The following TP53I11 variants were observed in gnomAD, a reference collection of about 807,000 sequenced individuals.
TP53I11 encodes tumor protein p53 inducible protein 11, also known as tumor protein p53-inducible protein 11.
TP53I11 carries 9 observed loss-of-function variants against 23.3 expected under a neutral mutation model. The observed-to-expected ratio is 0.39, with a 90% CI of 0.23 to 0.67. The LOEUF is 0.67. Ranked by LOEUF, TP53I11 falls within the 30% of genes least tolerant of loss-of-function variation. The probability of loss-of-function intolerance (pLI) is 0.48; values close to 1 mark genes in which losing one functional copy is unlikely to be tolerated. For synonymous variants in TP53I11, 100 were observed against 106.1 expected, an observed-to-expected ratio of 0.94 and a Z score of 0.35; for missense variants, 170 against 255.2, an observed-to-expected ratio of 0.67 and a Z score of 2.27.
chr11:44,943,693 C>T (rs1862119739), intron 1 of TP53I11, among the ~76,000 whole-genome samples: 1 of 152,236 alleles, frequency 6.6e-6, no homozygotes, highest in African/African-American at 2.4e-5. Context: ...CTCCTCTGGA[C>T]TCTCACGGGT....
intron 1 of TP53I11, among the ~76,000 whole-genome samples, chr11:44,942,468 AC>A (rs144744571): frequency 0.092 from 13,926 of 150,568 alleles, 704 homozygotes; most frequent in Middle Eastern, 0.13. Context: ...ACACATACAC[AC>A]ACAGAGCATT....
chr11:44,941,389 G>C (rs12790832), intron 1 of TP53I11, among the ~76,000 whole-genome samples: 22 of 152,152 alleles, frequency 1.4e-4, no homozygotes, highest in Non-Finnish European at 2.6e-4. Context: ...CAGTGCTTTA[G>C]AAAGAGCCAG....
At position 44,937,530 on chromosome 11, in the gene TP53I11, C is replaced by T. The variant is rs200068947; in HGVS notation, c.188+25G>A. The T allele has an allele frequency of 1.6e-4, 263 of 1,613,044 alleles. 1 individual carries two copies. The African/African-American group carries it at 2.2e-3, about 14-fold the overall frequency. ...CCCACCGCCGCAGGCCTTCCCCTCC[C>T]CCAAAAAGTCAGGTAAATGCTCACC... On this transcript the variant is annotated intron_variant, in intron 3 of 6. Transcript: ENST00000525680.
intron 1 of TP53I11, among the ~76,000 whole-genome samples, chr11:44,945,249 C>A (rs974009406): frequency 2.0e-5 from 3 of 152,212 alleles, no homozygotes; most frequent in African/African-American, 7.2e-5. Context: ...CCACCTACCC[C>A]GGGGCTGGGA....
chr11:44,934,746 GC>G lies in TP53I11; in HGVS notation c.*137del. 5 of 1,232,772 alleles carry G rather than the reference GC, an allele frequency of 4.1e-6. No individual in the cohort carries two copies. The highest frequency in any genetic ancestry group is 1.5e-5 in the South Asian group (1 of 66,952). The allele number at this position is 1,232,772 out of a possible 1,614,324, so 76.4% of individuals were successfully genotyped here. ...ACGGGGTGCCCAGGAGGAAAGGAAG[GC>G]CCCCCACCCCCTGCCTCCCTGGGGC... On this transcript the variant is annotated 3_prime_UTR_variant, in exon 7 of 7. Coordinates refer to ENST00000525680, the MANE Select transcript of TP53I11 (RefSeq NM_006034.5).
At chr11:44,935,266 C>A (rs564983990) in intron 6 of TP53I11, among the ~76,000 whole-genome samples, 25 of 152,024 alleles carry the variant, frequency 1.6e-4, no homozygotes, top group Admixed American at 1.5e-3. Context: ...TGTTATTACA[C>A]ACGTGCTGGG....
chr11:44,936,061 C>T lies in TP53I11; in HGVS notation c.335-399G>A, dbSNP rs1322917898. The T allele has an allele frequency of 3.1e-5, 9 of 294,002 alleles. No homozygotes were observed. Among genetic ancestry groups the T allele is most frequent in the Non-Finnish European group, 4.4e-5 (8 of 180,156 alleles). The allele number at this position is 294,002 out of a possible 1,614,324, so 18.2% of individuals were successfully genotyped here. On this transcript the variant is annotated intron_variant, in intron 5 of 6. Coordinates refer to ENST00000525680, the MANE Select transcript of TP53I11 (RefSeq NM_006034.5). This position sits in a 1 kb window ranked among gnomAD's most constrained non-coding sequence, Gnocchi z 4.4. ...GGTCCTATGATTGGGTTTTCTTTTA[C>T]ACGGACTCCCAGACAGAAAACCTGA...
rs544563868 is a variant in TP53I11, at chr11:44,937,319, G to A, written c.222C>T (p.Ser74=). The A allele has an allele frequency of 8.9e-5, 133 of 1,502,628 alleles. 1 individual carries two copies. In the South Asian group the frequency reaches 9.7e-4, roughly 11 times the overall value. 93.1% of individuals were successfully genotyped at this position (1,502,628 alleles called of 1,614,324 possible). Residue 74 remains serine, a synonymous_variant, in exon 4 of 7, where the codon TCC becomes TCT. Coordinates refer to ENST00000525680, the MANE Select transcript of TP53I11 (RefSeq NM_006034.5). ...GGGGGCTCACCATGATGGCAATGCC[G>A]GAGAAGAGCACAGCAGAGACGAACT... is the stretch of plus-strand genomic sequence containing the variant. ...VWQFVSAVLF[S]GIAIMALAFP... is the part of the protein sequence containing the mutation.
In TP53I11 at chr11:44,936,570, C is replaced by T; in HGVS notation, c.334+233G>A. 7.6e-7 allele frequency: 1 copy of T among 1,307,928 alleles called. No homozygotes were observed. Among genetic ancestry groups the T allele is most frequent in the Non-Finnish European group, 9.7e-7 (1 of 1,028,944 alleles). 81.0% of individuals were successfully genotyped at this position (1,307,928 alleles called of 1,614,324 possible). ...GGCAGTGCACACACTTATGAGCGCT[C>T]CTTGCAGATGGTGGCGACTGCAAGC... On this transcript the variant is annotated intron_variant, in intron 5 of 6. Coordinates refer to ENST00000525680, the MANE Select transcript of TP53I11 (RefSeq NM_006034.5). This position sits in a 1 kb window ranked among gnomAD's most constrained non-coding sequence, Gnocchi z 4.4.
intron 1 of TP53I11, chr11:44,947,380 G>A: frequency 3.2e-6 from 1 of 313,360 alleles, no homozygotes; most frequent in Admixed American, 4.0e-5. Flanking sequence ...GAATGCAGCA[G>A]GCACCTCCCT....
rs1014038095 is a variant in TP53I11, at chr11:44,936,168, C to A, written c.335-506G>T. 2.0e-6 allele frequency: 2 copies of A among 987,062 alleles called. No individual in the cohort carries two copies. Among genetic ancestry groups the A allele is most frequent in the African/African-American group, 3.5e-5 (2 of 57,612 alleles). The allele number at this position is 987,062 out of a possible 1,614,324, so 61.1% of individuals were successfully genotyped here. ...TTTTAGCAGAAGACCACTGACTTGG[C>A]CTCTAGCAGGCCCCGCCCACCCAGT... is the stretch of plus-strand genomic sequence containing the variant. On this transcript the variant is annotated intron_variant, in intron 5 of 6. Transcript: ENST00000525680. The surrounding 1 kb of genome is among the most constrained non-coding windows in gnomAD (Gnocchi z 4.4).
chr11:44,940,480 T>C (rs1272992178), intron 1 of TP53I11: 1 of 152,242 alleles, frequency 6.6e-6, no homozygotes, highest in Non-Finnish European at 1.5e-5. Context: ...TGTTTTCAAA[T>C]ATGCCATGTA....
At chr11:44,937,450 G>T in intron 3 of TP53I11, 98 bp from the exon 4 acceptor site, 1 of 1,518,346 alleles carries the variant, frequency 6.6e-7, no homozygotes, top group East Asian at 2.4e-5. Flanking sequence ...AAGGTAATGA[G>T]ACAAAATAAA....
chr11:44,950,904 C>G (rs1862908941), upstream of TP53I11: 1 of 151,774 alleles, frequency 6.6e-6, no homozygotes, highest in African/African-American at 2.4e-5. Context: ...GCTGGTCCCT[C>G]CTCTCGGTTC....
In TP53I11 at chr11:44,935,678, A is replaced by G; in HGVS notation, c.335-16T>C. ...AGGGAGATGCCTGGGGCGGGGGATGAAAAGGGGGCTGGGGGTGGGACAGCT... is the reference window on the plus strand; with the variant it reads ...AGGGAGATGCCTGGGGCGGGGGATGGAAAGGGGGCTGGGGGTGGGACAGCT... On this transcript the variant is annotated splice_polypyrimidine_tract_variant and intron_variant, in intron 5 of 6. Transcript: ENST00000525680. 1 of 1,500,374 alleles carries G rather than the reference A, an allele frequency of 6.7e-7. No individual in the cohort carries two copies. Among genetic ancestry groups the G allele is most frequent in the Non-Finnish European group, 9.2e-7 (1 of 1,083,120 alleles). 92.9% of individuals were successfully genotyped at this position (1,500,374 alleles called of 1,614,324 possible).
chr11:44,936,103 C>T lies in TP53I11; in HGVS notation c.335-441G>A, dbSNP rs188468770. On this transcript the variant is annotated intron_variant, in intron 5 of 6. Coordinates refer to ENST00000525680, the MANE Select transcript of TP53I11 (RefSeq NM_006034.5). The surrounding 1 kb of genome is among the most constrained non-coding windows in gnomAD (Gnocchi z 4.4). ...AAAACCTGAGCCCGGTAAGGACTCG[C>T]TTTAAGGAAGTCCCCTGGGGGAGGG... 6.6e-4 allele frequency: 392 copies of T among 589,826 alleles called. No individual in the cohort carries two copies. Among genetic ancestry groups the T allele is most frequent in the Non-Finnish European group, 8.0e-4 (365 of 459,030 alleles). The allele number at this position is 589,826 out of a possible 1,614,324, so 36.5% of individuals were successfully genotyped here. A position where few individuals can be genotyped will look rare whatever the true frequency, so the allele number is the denominator to read the frequency against.
intron 1 of TP53I11, chr11:44,940,668 G>A (rs1034278877): frequency 1.3e-5 from 2 of 152,190 alleles, no homozygotes; most frequent in African/African-American, 4.8e-5. Context: ...AAGGCCATGT[G>A]GGTTGTTTCC....
chr11:44,937,249 AGGGCTGAG>A, intron 4 of TP53I11, 47 bp downstream of exon 4: 2 of 1,538,612 alleles, frequency 1.3e-6, no homozygotes, highest in South Asian at 2.4e-5. Context: ...GAGCCAGAGA[AGGGCTGAG>A]GGAGCCACAC....
intron 1 of TP53I11, among the ~76,000 whole-genome samples, chr11:44,940,297 A>T (rs1313756033): frequency 6.6e-6 from 1 of 152,200 alleles, no homozygotes. Flanking sequence ...GACGGGCTTC[A>T]GTTGTGCAGT....
Sources: allele counts gnomAD v4.1 joint callset (sites outside exome capture counted in the v4.1 genomes callset), GRCh38; gene constraint gnomAD v4.1.1; non-coding constraint Gnocchi (gnomAD v3.1); transcripts MANE v1.5; gene names NCBI Gene and HGNC (gene_info 2026-07-23, HGNC 2026-07-21).